MITF: variants seen among roughly 807,000 people sequenced by gnomAD.
MITF encodes microphthalmia-associated transcription factor.
MITF carries 17 observed loss-of-function variants against 60.5 expected under a neutral mutation model. The observed-to-expected ratio is 0.28, with a 90% confidence interval of 0.19 to 0.42. MITF has a LOEUF of 0.42. Ranked by LOEUF, MITF falls within the 10% of genes least tolerant of loss-of-function variation. The pLI is 1.00. For synonymous variants in MITF, 260 were observed against 248.5 expected (o/e 1.05, Z -0.43); for missense variants, 622 against 683.5 (o/e 0.91, Z 1.00).
chr3:69,747,941 T>C (rs1703792495), intron 1 of MITF, among the ~76,000 whole-genome samples: 1 of 152,172 alleles, frequency 6.6e-6, no homozygotes, highest in African/African-American at 2.4e-5. Context: ...CTGAGATTGA[T>C]TTCACAAAAC....
chr3:69,920,414 A>G (rs569480808), intron 2 of MITF, among the ~76,000 whole-genome samples: 1 of 152,164 alleles, frequency 6.6e-6, no homozygotes, highest in African/African-American at 2.4e-5. Flanking sequence ...AGGCCTAACC[A>G]TCTCCCTGTG....
intron 1 of MITF, among the ~76,000 whole-genome samples, chr3:69,873,277 T>C (rs1327453480): frequency 6.6e-6 from 1 of 152,132 alleles, no homozygotes; most frequent in East Asian, 1.9e-4. Context: ...GAAAAACTCA[T>C]CCTGAATCAC....
intron 1 of MITF, among the ~76,000 whole-genome samples, chr3:69,765,336 G>C (rs1460008195): frequency 6.6e-6 from 1 of 152,118 alleles, no homozygotes; most frequent in Non-Finnish European, 1.5e-5. Flanking sequence ...TTACTTTATG[G>C]AAATGAGTGC....
chr3:69,783,672 G>A (rs896472192), intron 1 of MITF, among the ~76,000 whole-genome samples: 1 of 152,100 alleles, frequency 6.6e-6, no homozygotes, highest in African/African-American at 2.4e-5. Flanking sequence ...GGTTCTGATA[G>A]AGGATGTTTT....
intron 1 of MITF, among the ~76,000 whole-genome samples, chr3:69,760,166 G>A (rs1010440505): frequency 4.6e-5 from 7 of 152,206 alleles, no homozygotes; most frequent in African/African-American, 1.7e-4. Flanking sequence ...TCACTGTTCA[G>A]ATATGGTAGA....
intron 5 of MITF, among the ~76,000 whole-genome samples, chr3:69,946,551 T>C (rs1299589967): frequency 6.6e-6 from 1 of 152,144 alleles, no homozygotes; most frequent in East Asian, 1.9e-4. Flanking sequence ...TAAGATGCCA[T>C]ACACAAAGTG....
intron 1 of MITF, chr3:69,758,610 T>C (rs2106794009): frequency 5.2e-6 from 1 of 193,222 alleles, no homozygotes; most frequent in Middle Eastern, 1.9e-3. Flanking sequence ...GTAATACTTA[T>C]TTTATTATTG....
At chr3:69,759,821 A>G (rs1375116189) in intron 1 of MITF, among the ~76,000 whole-genome samples, 1 of 152,106 alleles carries the variant, frequency 6.6e-6, no homozygotes, top group Non-Finnish European at 1.5e-5. Context: ...TCTGTCGTCC[A>G]GGCTGGAGTG....
intron 2 of MITF, among the ~76,000 whole-genome samples, chr3:69,907,721 T>G (rs1013670046): frequency 6.6e-6 from 1 of 152,180 alleles, no homozygotes; most frequent in Admixed American, 6.5e-5. Context: ...GATCATTGGC[T>G]CTCTTTTTCA....
intron 1 of MITF, among the ~76,000 whole-genome samples, chr3:69,782,343 C>G (rs2062579090): frequency 2.0e-5 from 3 of 152,184 alleles, no homozygotes; most frequent in African/African-American, 7.2e-5. Context: ...AGCCCTATAC[C>G]CATACACCTG....
At chr3:69,825,019 G>A (rs2063332999) in intron 1 of MITF, among the ~76,000 whole-genome samples, 1 of 113,208 alleles carries the variant, frequency 8.8e-6, no homozygotes, top group Admixed American at 8.1e-5. Flanking sequence ...ATTCTTTAAA[G>A]TTCTTTCAGG....
chr3:69,922,097 G>A (rs2065480187), intron 2 of MITF, among the ~76,000 whole-genome samples: 1 of 152,180 alleles, frequency 6.6e-6, no homozygotes. Context: ...TACTCTCCCT[G>A]TTTCCCCCAC....
At chr3:69,877,030 T>C (rs2064370111) in intron 1 of MITF, among the ~76,000 whole-genome samples, 1 of 152,242 alleles carries the variant, frequency 6.6e-6, no homozygotes, top group South Asian at 2.1e-4. Context: ...TTTTGCATAC[T>C]TGGATACATG....
intron 1 of MITF, among the ~76,000 whole-genome samples, chr3:69,810,255 G>T (rs1456654924): frequency 1.3e-5 from 2 of 152,176 alleles, no homozygotes; most frequent in Non-Finnish European, 2.9e-5. Context: ...GGATGCTGCA[G>T]GTGGTTTTGA....
At chr3:69,877,451 T>TAA (rs34144592) in intron 1 of MITF, among the ~76,000 whole-genome samples, 13 of 139,964 alleles carry the variant, frequency 9.3e-5, no homozygotes, top group African/African-American at 2.9e-4. Context: ...GTTTGTTTAT[T>TAA]AAAAAAAAAA....
At chr3:69,843,259 A>G (rs1233307080) in intron 1 of MITF, among the ~76,000 whole-genome samples, 1 of 116 alleles carries the variant, frequency 8.6e-3, no homozygotes, top group East Asian at 0.083. Context: ...TTGTTTGAGA[A>G]ATCATTTCCA....
chr3:69,938,397 A>G (rs1335652424), intron 3 of MITF: 2 of 1,559,136 alleles, frequency 1.3e-6, no homozygotes, highest in Non-Finnish European at 1.7e-6. Flanking sequence ...GGGAGGTGGA[A>G]AAGGAAAAGC....
chr3:69,968,270 T>C lies in MITF; in HGVS notation c.*3022T>C, dbSNP rs1345607197. 4.3e-6 allele frequency: 1 copy of C among 231,558 alleles called. No individual in the cohort carries two copies. The highest frequency in any genetic ancestry group is 8.6e-6 in the Non-Finnish European group (1 of 116,800). 14.3% of individuals were successfully genotyped at this position (231,558 alleles called of 1,614,324 possible). ...AGCACTGTATATTATGGATCGATAT[T>C]AATGTATCCAATGAAATAATCGACT... On this transcript the variant is annotated 3_prime_UTR_variant, in exon 10 of 10. Coordinates refer to ENST00000352241, the MANE Select transcript of MITF (RefSeq NM_001354604.2).
intron 1 of MITF, among the ~76,000 whole-genome samples, chr3:69,857,188 G>T (rs2084000904): frequency 6.6e-6 from 1 of 151,960 alleles, no homozygotes; most frequent in African/African-American, 2.4e-5. Flanking sequence ...CCAGTGCAAG[G>T]TTCTAATTTT....
Sources: allele counts gnomAD v4.1 joint callset (sites outside exome capture counted in the v4.1 genomes callset), GRCh38; gene constraint gnomAD v4.1.1; transcripts MANE v1.5; gene names NCBI Gene and HGNC (gene_info 2026-07-23, HGNC 2026-07-21).